VAMP7: variants seen among roughly 807,000 people sequenced by gnomAD.
The protein encoded by VAMP7 is vesicle associated membrane protein 7, also known as vesicle-associated membrane protein 7.
In VAMP7, 14 loss-of-function variants were observed where a neutral mutation model predicts 29.6. The ratio of observed to expected loss-of-function variants is 0.47; its 90% confidence interval spans 0.31 to 0.74. The LOEUF is 0.74. Among genes scored for constraint, VAMP7 ranks in the 30% least tolerant of loss-of-function variants. The pLI is 0.05. For missense variants in VAMP7, 223 were observed against 262.4 expected, an observed-to-expected ratio of 0.85 and a Z score of 1.04; for synonymous variants, 95 against 88.1, an observed-to-expected ratio of 1.08 and a Z score of -0.44.
intron 6 of VAMP7, among the ~76,000 whole-genome samples, chrX:155,925,128 A>G (rs1250604847): frequency 3.9e-5 from 6 of 152,094 alleles, no homozygotes; most frequent in Non-Finnish European, 8.8e-5. Flanking sequence ...TACTCACTCC[A>G]CTGAAGTCTT....
intron 6 of VAMP7, among the ~76,000 whole-genome samples, chrX:155,930,853 C>T (rs2066541671): frequency 6.6e-6 from 1 of 151,902 alleles, no homozygotes. Flanking sequence ...AATGCTATCC[C>T]TTCCCCCTCC....
intron 6 of VAMP7, among the ~76,000 whole-genome samples, chrX:155,927,629 A>G (rs190450648): frequency 6.6e-6 from 1 of 152,036 alleles, no homozygotes; most frequent in East Asian, 1.9e-4. Context: ...TTCAAACTGA[A>G]GAAGTTCTTT....
At chrX:155,928,731 C>T (rs2066506108) in intron 6 of VAMP7, among the ~76,000 whole-genome samples, 1 of 152,132 alleles carries the variant, frequency 6.6e-6, no homozygotes, top group African/African-American at 2.4e-5. Flanking sequence ...GGGATTAGGA[C>T]ACAGGCATGT....
chrX:155,930,022 G>A (rs1391299989), intron 6 of VAMP7, among the ~76,000 whole-genome samples: 2 of 152,170 alleles, frequency 1.3e-5, no homozygotes, highest in Non-Finnish European at 2.9e-5. Context: ...ACATAGGGTG[G>A]AGTTTGGGAA....
intron 1 of VAMP7, 37 bp from the exon 2 acceptor site, chrX:155,889,421 G>A: frequency 1.3e-6 from 2 of 1,595,196 alleles, no homozygotes; most frequent in South Asian, 1.1e-5. Context: ...TTATGTCAAA[G>A]AAATATTCTA....
intron 5 of VAMP7, among the ~76,000 whole-genome samples, chrX:155,915,325 A>G (rs1187325099): frequency 1.3e-5 from 2 of 151,978 alleles, no homozygotes; most frequent in Admixed American, 1.3e-4. Flanking sequence ...TCCTGGATTC[A>G]TTGATTCTTT....
intron 6 of VAMP7, among the ~76,000 whole-genome samples, chrX:155,924,429 C>T (rs2066440458): frequency 6.6e-6 from 1 of 152,086 alleles, no homozygotes; most frequent in African/African-American, 2.4e-5. Flanking sequence ...AACTCTGTAA[C>T]CATTAAGTAA....
Position 155,942,368 on chromosome X carries a change from T to C in VAMP7, c.*417T>C, listed in dbSNP as rs1304387400. Reference sequence around the variant, plus strand: ...GCTAACATCTCATCTTAATGTCTTTTGTTATTGAGAAGTTTTAGGTGCTTC... The same window carrying C: ...GCTAACATCTCATCTTAATGTCTTTCGTTATTGAGAAGTTTTAGGTGCTTC... On this transcript the variant is annotated 3_prime_UTR_variant, in exon 8 of 8. Coordinates refer to ENST00000286448, the MANE Select transcript of VAMP7 (RefSeq NM_005638.6). 2 of 557,998 alleles carry C rather than the reference T, an allele frequency of 3.6e-6. No individual in the cohort carries two copies. The highest frequency in any genetic ancestry group is 5.8e-5 in the East Asian group (2 of 34,674). 34.6% of individuals were successfully genotyped at this position (557,998 alleles called of 1,614,324 possible).
chrX:155,914,595 C>T (rs1185896910), intron 5 of VAMP7, among the ~76,000 whole-genome samples: 1 of 152,054 alleles, frequency 6.6e-6, no homozygotes, highest in Non-Finnish European at 1.5e-5. Flanking sequence ...TTATCGAAGG[C>T]CTTTTCTGCA....
intron 5 of VAMP7, among the ~76,000 whole-genome samples, chrX:155,903,438 A>G (rs1044290873): frequency 6.6e-6 from 1 of 152,138 alleles, no homozygotes; most frequent in African/African-American, 2.4e-5. Context: ...ATAGGAGAAA[A>G]TTTTCACAAC....
chrX:155,940,050 T>C (rs1345639751), intron 7 of VAMP7, among the ~76,000 whole-genome samples: 1 of 59,964 alleles, frequency 1.7e-5, no homozygotes, highest in African/African-American at 6.9e-5. Flanking sequence ...AATGTAGTTA[T>C]TTTAAATAAA....
intron 6 of VAMP7, among the ~76,000 whole-genome samples, chrX:155,935,633 G>T (rs191350710): frequency 1.3e-5 from 2 of 151,144 alleles, no homozygotes; most frequent in Non-Finnish European, 2.9e-5. Flanking sequence ...TAGCTTCTTT[G>T]TGCTGGGTTC....
chrX:155,897,810 G>A (rs780606526), intron 3 of VAMP7, among the ~76,000 whole-genome samples: 1 of 152,254 alleles, frequency 6.6e-6, no homozygotes, highest in South Asian at 2.1e-4. Flanking sequence ...TATGGAGGAA[G>A]TAAAATTCAA....
intron 6 of VAMP7, among the ~76,000 whole-genome samples, chrX:155,928,515 T>C (rs1213362090): frequency 2.0e-5 from 3 of 152,148 alleles, no homozygotes; most frequent in Non-Finnish European, 4.4e-5. Context: ...GGCTATATCA[T>C]TGTAGTCTCT....
chrX:155,933,014 T>TGC (rs2066587625), intron 6 of VAMP7, among the ~76,000 whole-genome samples: 22 of 152,312 alleles, frequency 1.4e-4, no homozygotes, highest in Admixed American at 1.2e-3. Context: ...TTTATTGATT[T>TGC]GTATATGTTG....
At chrX:155,895,933 G>A (rs1477105007) in intron 3 of VAMP7, among the ~76,000 whole-genome samples, 5 of 152,050 alleles carry the variant, frequency 3.3e-5, no homozygotes, top group South Asian at 2.1e-4. Flanking sequence ...CTCTGCATCC[G>A]AGGGATCTAA....
At chrX:155,930,335 C>G (rs1490327241) in intron 6 of VAMP7, among the ~76,000 whole-genome samples, 1 of 152,028 alleles carries the variant, frequency 6.6e-6, no homozygotes, top group Non-Finnish European at 1.5e-5. Flanking sequence ...AGATTACAGT[C>G]TATTAGAAAA....
intron 5 of VAMP7, among the ~76,000 whole-genome samples, chrX:155,903,389 A>G (rs1481823829): frequency 6.6e-6 from 1 of 152,224 alleles, no homozygotes; most frequent in Non-Finnish European, 1.5e-5. Flanking sequence ...TCTGCACAGC[A>G]AAAGAAACTA....
At position 155,934,905 on chromosome X, in the gene VAMP7, A is replaced by G. The variant is rs768350965; in HGVS notation, c.502-4796A>G. Among the ~76,000 whole-genome samples the G allele has an allele frequency of 1.1e-4, 17 of 152,272 alleles. No homozygotes were observed. The East Asian group carries it at 2.9e-3, about 26-fold the overall frequency. ...TTGTAAGGCAGGCCTGGTGGTGACA[A>G]AATCTCTCAGCATTTGCTTGTCTGT... On this transcript the variant is annotated intron_variant, in intron 6 of 7. Transcript: ENST00000286448.
Sources: gnomAD v4.1 joint callset for allele counts (sites outside exome capture counted in the v4.1 genomes callset) on GRCh38, gnomAD v4.1.1 for gene constraint, MANE v1.5 for transcripts, NCBI Gene and HGNC (gene_info 2026-07-23, HGNC 2026-07-21) for gene names.